Variants in GATC observed in about 807,000 individuals in gnomAD.
GATC encodes the protein glutamyl-tRNA amidotransferase subunit C.
A neutral mutation model predicts 14.4 loss-of-function variants in GATC; 11 were observed. That is an observed-to-expected ratio of 0.77 (90% confidence interval 0.48 to 1.27). The LOEUF (loss-of-function observed/expected upper bound fraction) is 1.27, where lower values mean the gene tolerates loss of function less well. GATC is among the 50% of genes most tolerant of loss of function. The pLI is 0.00. For missense variants in GATC, 204 were observed against 183.0 expected (o/e 1.11, Z -0.66); for synonymous variants, 76 against 79.3 (o/e 0.96, Z 0.22).
chr12:120,458,450 A>G (rs1280081200), intron 3 of GATC, among the ~76,000 whole-genome samples: 5 of 152,214 alleles, frequency 3.3e-5, no homozygotes, highest in Non-Finnish European at 5.9e-5. Context: ...TCCAAGCCAA[A>G]TAAAACACAT....
At chr12:120,451,223 G>A (rs1878034884) in intron 2 of GATC, among the ~76,000 whole-genome samples, 1 of 151,298 alleles carries the variant, frequency 6.6e-6, no homozygotes, top group African/African-American at 2.4e-5. Flanking sequence ...GAGGTGGGTG[G>A]ATCATGGGGT....
intron 3 of GATC, among the ~76,000 whole-genome samples, chr12:120,457,579 A>C (rs1227897036): frequency 2.0e-5 from 3 of 151,090 alleles, no homozygotes; most frequent in African/African-American, 4.9e-5. Flanking sequence ...CCACAAAAAA[A>C]CCAGTCCTTT....
intron 2 of GATC, chr12:120,454,877 G>C: frequency 4.2e-6 from 1 of 237,028 alleles, no homozygotes; most frequent in South Asian, 4.2e-5. Context: ...AAAAAATCTA[G>C]TACAACTCTC....
In GATC at chr12:120,457,059, G is replaced by C. The variant is rs373452352; in HGVS notation, c.255-17G>C. On this transcript the variant is annotated splice_polypyrimidine_tract_variant and intron_variant, in intron 2 of 3. Coordinates refer to ENST00000551765, the MANE Select transcript of GATC (RefSeq NM_176818.3). The stretch of plus-strand genomic sequence containing the variant: ...CCCTTCTCTGAGAGGGTAACCTTGA[G>C]CTTCTGGGTTTTGTAGATGTCTATA... 141 of 1,577,264 alleles carry C rather than the reference G, an allele frequency of 8.9e-5. No homozygotes were observed. The highest frequency in any genetic ancestry group is 3.3e-4 in the Middle Eastern group (2 of 6,028).
At chr12:120,451,462 C>T (rs1878042022) in intron 2 of GATC, among the ~76,000 whole-genome samples, 1 of 148,502 alleles carries the variant, frequency 6.7e-6, no homozygotes, top group African/African-American at 2.5e-5. Context: ...CAAAACAAGG[C>T]TGGGCGTGGT....
At chr12:120,454,304 T>A (rs543412293) in intron 2 of GATC, among the ~76,000 whole-genome samples, 2 of 152,322 alleles carry the variant, frequency 1.3e-5, no homozygotes, top group South Asian at 2.1e-4. Context: ...TTTTTTAACA[T>A]TTCATTTAAT....
In GATC at chr12:120,459,896, T is replaced by C; in HGVS notation, c.359-11T>C. 1.9e-6 allele frequency: 3 copies of C among 1,607,822 alleles called. No individual in the cohort carries two copies. The highest frequency in any genetic ancestry group is 1.7e-6 in the Non-Finnish European group (2 of 1,174,838). Reference sequence around the variant, plus strand: ...AACAAACAAAAATTCTCTTTTGTTATTTTCAAACAGGTAATATCTCTTTGC... The same window carrying C: ...AACAAACAAAAATTCTCTTTTGTTACTTTCAAACAGGTAATATCTCTTTGC... On this transcript the variant is annotated splice_polypyrimidine_tract_variant and intron_variant, in intron 3 of 3. Coordinates refer to ENST00000551765, the MANE Select transcript of GATC (RefSeq NM_176818.3).
chr12:120,453,549 A>G (rs1878104527), intron 2 of GATC, among the ~76,000 whole-genome samples: 1 of 152,150 alleles, frequency 6.6e-6, no homozygotes, highest in Non-Finnish European at 1.5e-5. Flanking sequence ...AGTTTAGTCA[A>G]TCATTAATTG....
rs1464334675 is a variant in GATC, at chr12:120,446,812, A to C, written c.237A>C (p.Glu79Asp). 1 of 1,612,530 alleles carries C rather than the reference A, an allele frequency of 6.2e-7. No individual in the cohort carries two copies. The highest frequency in any genetic ancestry group is 2.2e-5 in the East Asian group (1 of 44,864). Residue 79 changes from glutamate to aspartate, a missense_variant, in exon 2 of 4, where the codon GAA (glutamate) becomes GAC (aspartate). Physicochemically the swap from Glu to Asp is conservative, Grantham distance 45. Coordinates refer to ENST00000551765, the MANE Select transcript of GATC (RefSeq NM_176818.3). ...ACACAGACGGGGTGGAGCCCATGGA[A>C]TCGGTCCTGGAGGACAGGTAAACTC... Reference protein sequence around the residue: ...AVDTDGVEPMESVLEDRCLYL... With the variant: ...AVDTDGVEPMDSVLEDRCLYL...
chr12:120,456,308 G>C (rs1194840170), intron 2 of GATC, among the ~76,000 whole-genome samples: 1 of 152,202 alleles, frequency 6.6e-6, no homozygotes, highest in Admixed American at 6.5e-5. Flanking sequence ...ACAGAACACT[G>C]GGAGATTCTT....
At chr12:120,454,857 CA>C (rs544102647) in intron 2 of GATC, 22,659 of 190,844 alleles carry the variant, frequency 0.12, 282 homozygotes, top group South Asian at 0.25. Flanking sequence ...TTGTGTTATT[CA>C]AAAAAAAAAA....
At chr12:120,448,438 TG>T (rs1356120697) in intron 2 of GATC, among the ~76,000 whole-genome samples, 1 of 150,688 alleles carries the variant, frequency 6.6e-6, no homozygotes, top group Non-Finnish European at 1.5e-5. Flanking sequence ...AAGTGATTTT[TG>T]TGCCTCAGCC....
rs763047568 is a variant in GATC, at chr12:120,457,157, G to A, written c.336G>A (p.Glu112=). 74 of 1,613,700 alleles carry A rather than the reference G, an allele frequency of 4.6e-5. No individual in the cohort carries two copies. Among genetic ancestry groups the A allele is most frequent in the Non-Finnish European group, 6.2e-5 (73 of 1,179,776 alleles). ...ELLQNSHRVV[E]EYFVAPPGNI... ...TACAAAACTCCCATCGCGTCGTGGA[G>A]GAGTACTTTGTGGCCCCCCCAGGTA... Residue 112 remains glutamate (E), a synonymous_variant, in exon 3 of 4, where the codon GAG becomes GAA. Transcript: ENST00000551765.
intron 3 of GATC, 147 bp downstream of exon 3, chr12:120,457,326 T>C (rs1483737513): frequency 1.5e-5 from 10 of 669,754 alleles, no homozygotes; most frequent in Non-Finnish European, 2.2e-5. Flanking sequence ...GGCAGTAGGG[T>C]CCAGGGTCAT....
At chr12:120,453,186 A>C (rs540634454) in intron 2 of GATC, among the ~76,000 whole-genome samples, 2 of 152,334 alleles carry the variant, frequency 1.3e-5, no homozygotes, top group Admixed American at 1.3e-4. Context: ...AGTGAGTCCA[A>C]GGGCTGACAG....
chr12:120,460,015 AT>A lies in GATC; in HGVS notation c.*63del. 3 of 1,347,662 alleles carry A rather than the reference AT, an allele frequency of 2.2e-6. No homozygotes were observed. Among genetic ancestry groups the A allele is most frequent in the Non-Finnish European group, 3.2e-6 (3 of 948,944 alleles). 83.5% of individuals were successfully genotyped at this position (1,347,662 alleles called of 1,614,324 possible). On this transcript the variant is annotated 3_prime_UTR_variant, in exon 4 of 4. Transcript: ENST00000551765. ...GAACATGTGGAAGCATAATGACAGT[AT>A]TTTTTTACTGTGAATACTAATGTTC...
intron 3 of GATC, among the ~76,000 whole-genome samples, chr12:120,459,622 C>T (rs1878276120): frequency 6.6e-6 from 1 of 152,032 alleles, no homozygotes; most frequent in Non-Finnish European, 1.5e-5. Context: ...TTTGGGAGGC[C>T]GAGGAGGGCG....
chr12:120,459,169 C>T (rs907933133), intron 3 of GATC, among the ~76,000 whole-genome samples: 6 of 152,004 alleles, frequency 3.9e-5, no homozygotes, highest in Non-Finnish European at 8.8e-5. Flanking sequence ...GTGAGCTAAA[C>T]TCTTAATCAT....
intron 3 of GATC, 76 bp downstream of exon 3, chr12:120,457,255 A>T: frequency 9.0e-7 from 1 of 1,108,832 alleles, no homozygotes; most frequent in Non-Finnish European, 1.4e-6. Context: ...ATGAGGACCA[A>T]AGATGCTATG....
Sources: gnomAD v4.1 joint callset for allele counts (sites outside exome capture counted in the v4.1 genomes callset) on GRCh38, gnomAD v4.1.1 for gene constraint, MANE v1.5 for transcripts, NCBI Gene and HGNC (gene_info 2026-07-23, HGNC 2026-07-21) for gene names.